TPH2: variants seen among roughly 807,000 people sequenced by gnomAD.
TPH2 encodes tryptophan 5-hydroxylase 2.
In TPH2, 27 loss-of-function variants were observed where a neutral mutation model predicts 59.1. The ratio of observed to expected loss-of-function variants is 0.46; its 90% CI spans 0.34 to 0.63. The LOEUF is 0.63. TPH2 is among the 30% of genes least tolerant of loss of function. The probability of loss-of-function intolerance (pLI) is 0.01; values close to 1 mark genes in which losing one functional copy is unlikely to be tolerated. For missense variants in TPH2, 523 were observed against 588.3 expected, an observed-to-expected ratio of 0.89 and a Z score of 1.15; for synonymous variants, 220 against 210.5, an observed-to-expected ratio of 1.05 and a Z score of -0.39.
At chr12:71,994,837 G>A (rs1013643526) in intron 8 of TPH2, among the ~76,000 whole-genome samples, 8 of 152,186 alleles carry the variant, frequency 5.3e-5, no homozygotes, top group Admixed American at 5.2e-4. Flanking sequence ...TAAGGACTCT[G>A]TCAGAATTAC....
At chr12:71,960,066 A>G (rs1170692576) in intron 5 of TPH2, among the ~76,000 whole-genome samples, 1 of 152,152 alleles carries the variant, frequency 6.6e-6, no homozygotes, top group African/African-American at 2.4e-5. Context: ...CTGTTTGGGT[A>G]CTTTGTGACT....
chr12:72,006,871 G>A (rs1385512356), intron 8 of TPH2, among the ~76,000 whole-genome samples: 2 of 152,064 alleles, frequency 1.3e-5, no homozygotes, highest in East Asian at 3.9e-4. Context: ...TGTGAGAATT[G>A]ATGAAATAAT....
chr12:71,994,881 A>G (rs1872657739), intron 8 of TPH2, among the ~76,000 whole-genome samples: 1 of 152,238 alleles, frequency 6.6e-6, no homozygotes, highest in South Asian at 2.1e-4. Flanking sequence ...AAGCAGCCAC[A>G]GACAACAAAT....
chr12:71,960,289 T>TA (rs1319672474), intron 5 of TPH2, among the ~76,000 whole-genome samples: 1 of 152,190 alleles, frequency 6.6e-6, no homozygotes, highest in African/African-American at 2.4e-5. Flanking sequence ...TTTTCTTTTT[T>TA]AAAAAATCTG....
intron 5 of TPH2, among the ~76,000 whole-genome samples, chr12:71,971,014 T>G (rs1013202897): frequency 6.6e-6 from 1 of 152,222 alleles, no homozygotes; most frequent in African/African-American, 2.4e-5. Context: ...GAAACTATTT[T>G]GCCGAGAACA....
At chr12:71,977,536 T>C (rs1872155691) in intron 6 of TPH2, among the ~76,000 whole-genome samples, 1 of 152,188 alleles carries the variant, frequency 6.6e-6, no homozygotes, top group African/African-American at 2.4e-5. Context: ...TGAACTTGAA[T>C]GTAGTAATCA....
intron 7 of TPH2, among the ~76,000 whole-genome samples, chr12:71,979,587 C>T (rs1872214596): frequency 6.6e-6 from 1 of 152,194 alleles, no homozygotes; most frequent in African/African-American, 2.4e-5. Flanking sequence ...TGCCCGCCAC[C>T]TCCAGATATA....
chr12:72,012,288 T>G (rs968811543), intron 8 of TPH2, among the ~76,000 whole-genome samples: 1 of 152,112 alleles, frequency 6.6e-6, no homozygotes, highest in African/African-American at 2.4e-5. Flanking sequence ...ACTGGCAGTT[T>G]CTGTGTGGAT....
intron 5 of TPH2, chr12:71,964,423 T>C (rs1323663882): frequency 8.2e-6 from 7 of 858,060 alleles, no homozygotes; most frequent in East Asian, 2.5e-4. Flanking sequence ...GCTGGAATTA[T>C]AGGCACACGC....
Position 71,952,638 on chromosome 12 carries a change from C to A in TPH2, c.608+2983C>A, listed in dbSNP as rs538354915. On this transcript the variant is annotated intron_variant, in intron 5 of 10. Transcript: ENST00000333850. ...GCCCTCTCCCCTGGATGGTGCTGAG[C>A]CCAGACTGACCTAGGCAGGATAACA... 3.9e-5 allele frequency among the ~76,000 whole-genome samples: 6 copies of A among 152,220 alleles called. No individual in the cohort carries two copies. The East Asian group carries it at 1.2e-3, about 29-fold the overall frequency.
At chr12:71,979,919 C>T (rs1872227452) in intron 7 of TPH2, among the ~76,000 whole-genome samples, 2 of 151,892 alleles carry the variant, frequency 1.3e-5, no homozygotes, top group Non-Finnish European at 2.9e-5. Context: ...GCATTCCTGC[C>T]CTTCCAGGTG....
Position 71,972,586 on chromosome 12 carries a change from G to A in TPH2, c.676G>A (p.Glu226Lys). 6.2e-7 allele frequency: 1 copy of A among 1,614,072 alleles called. No individual in the cohort carries two copies. The highest frequency in any genetic ancestry group is 8.5e-7 in the Non-Finnish European group (1 of 1,180,022). ...ETKTWGVVFRELSKLYPTHAC... is the reference protein window; with the variant it reads ...ETKTWGVVFRKLSKLYPTHAC... ...TAAAACTTGGGGTGTTGTATTCCGG[G>A]AGCTCTCCAAACTCTATCCCACTCA... The change falls in exon 6 of 11, where the codon GAG (glutamate) becomes AAG (lysine). Residue 226 changes from glutamate (E) to lysine (K), a missense_variant. Physicochemically the swap from Glu to Lys is moderately conservative, Grantham distance 56 (BLOSUM62 1). Transcript: ENST00000333850.
At chr12:72,021,283 A>G (rs906365690) in intron 8 of TPH2, among the ~76,000 whole-genome samples, 3 of 151,950 alleles carry the variant, frequency 2.0e-5, no homozygotes, top group Non-Finnish European at 1.5e-5. Context: ...CTTAAACCCA[A>G]CAGAAGCAAT....
At position 71,949,609 on chromosome 12, in the gene TPH2, C is replaced by A. The variant is rs778344618; in HGVS notation, c.562C>A (p.Arg188=). The A allele has an allele frequency of 1.2e-6, 2 of 1,612,974 alleles. No homozygotes were observed. Among genetic ancestry groups the A allele is most frequent in the East Asian group, 4.5e-5 (2 of 44,830 alleles). ...DHPGFKDNVY[R]QRRKYFVDVA... is the part of the protein sequence containing the mutation. ...TAAGGGATTTAAGGACAATGTCTAT[C>A]GACAGAGAAGAAAGTATTTTGTGGA... Residue 188 remains arginine, a synonymous_variant, in exon 5 of 11, where the codon CGA becomes AGA. Transcript: ENST00000333850.
chr12:71,994,101 C>T (rs1340244191), intron 7 of TPH2, among the ~76,000 whole-genome samples: 1 of 152,118 alleles, frequency 6.6e-6, no homozygotes, highest in Non-Finnish European at 1.5e-5. Context: ...CCTGTGCTAA[C>T]AAGTTACTTT....
At chr12:71,950,355 G>T (rs774986934) in intron 5 of TPH2, among the ~76,000 whole-genome samples, 1 of 152,124 alleles carries the variant, frequency 6.6e-6, no homozygotes, top group Non-Finnish European at 1.5e-5. Context: ...AGGGAGATAA[G>T]GGTGGGGCCA....
intron 5 of TPH2, among the ~76,000 whole-genome samples, chr12:71,956,411 CT>C (rs1190132839): frequency 2.7e-4 from 40 of 150,496 alleles, no homozygotes; most frequent in Non-Finnish European, 5.0e-4. Context: ...CCTCCCTCTC[CT>C]TCCCTCTCTC....
chr12:71,987,174 C>G (rs1872460307), intron 7 of TPH2, among the ~76,000 whole-genome samples: 1 of 152,112 alleles, frequency 6.6e-6, no homozygotes, highest in Non-Finnish European at 1.5e-5. Flanking sequence ...TAGAAAATAG[C>G]AAAACCAAGT....
intron 8 of TPH2, 35 bp from the exon 9 acceptor site, chr12:72,022,364 A>G (rs767562647): frequency 6.0e-6 from 9 of 1,492,454 alleles, no homozygotes; most frequent in African/African-American, 1.4e-5. Context: ...TAACTCATTG[A>G]CCAGTTCACT....
Sources: allele counts gnomAD v4.1 joint callset (sites outside exome capture counted in the v4.1 genomes callset), GRCh38; gene constraint gnomAD v4.1.1; transcripts MANE v1.5; gene names NCBI Gene and HGNC (gene_info 2026-07-23, HGNC 2026-07-21).